The following RANBP2 variants were observed in gnomAD, a reference collection of about 807,000 sequenced individuals.
RANBP2 encodes E3 SUMO-protein ligase RanBP2.
In RANBP2, 57 loss-of-function variants were observed where a neutral mutation model predicts 303.6. That is an observed-to-expected ratio of 0.19 (90% CI 0.15 to 0.23). The LOEUF is 0.23. Among genes scored for constraint, RANBP2 ranks in the 10% least tolerant of loss-of-function variants. The pLI is 1.00. For missense variants in RANBP2, 3,138 were observed against 3,780.8 expected, an observed-to-expected ratio of 0.83 and a Z score of 4.46; for synonymous variants, 1,167 against 1,301.5, an observed-to-expected ratio of 0.90 and a Z score of 2.23.
intron 1 of RANBP2, among the ~76,000 whole-genome samples, chr2:108,726,004 TC>T (rs1456655484): frequency 6.6e-6 from 1 of 152,168 alleles, no homozygotes; most frequent in Non-Finnish European, 1.5e-5. Flanking sequence ...AATTTCCTTT[TC>T]TGATTGTTCG....
chr2:108,937,675 T>G, the RANBP2 span, among the ~76,000 whole-genome samples: 1 of 151,928 alleles, frequency 6.6e-6, no homozygotes, highest in Admixed American at 6.6e-5. Flanking sequence ...TGTGTGAGTA[T>G]AAGTGTATGT....
the RANBP2 span, among the ~76,000 whole-genome samples, chr2:109,694,225 A>G: frequency 6.6e-6 from 1 of 151,982 alleles, no homozygotes; most frequent in East Asian, 1.9e-4. Flanking sequence ...AGTTCTCACT[A>G]TGCTTGTTTA....
At chr2:108,974,329 C>CA in the RANBP2 span, among the ~76,000 whole-genome samples, 400 of 61,460 alleles carry the variant, frequency 6.5e-3, 12 homozygotes, top group East Asian at 0.088. Flanking sequence ...GGATCCGTCT[C>CA]AAAAAAAAAA....
At chr2:108,908,184 A>G in the RANBP2 span, among the ~76,000 whole-genome samples, 1 of 152,090 alleles carries the variant, frequency 6.6e-6, no homozygotes, top group Non-Finnish European at 1.5e-5. Flanking sequence ...ACCAGGGGAC[A>G]TGAGACGAGA....
the RANBP2 span, among the ~76,000 whole-genome samples, chr2:109,065,114 A>T: frequency 2.0e-5 from 3 of 152,200 alleles, no homozygotes; most frequent in Non-Finnish European, 4.4e-5. Flanking sequence ...AGCTGACCAC[A>T]AAGCAAACTA....
At chr2:109,644,429 G>A in the RANBP2 span, among the ~76,000 whole-genome samples, 2 of 152,156 alleles carry the variant, frequency 1.3e-5, no homozygotes, top group East Asian at 1.9e-4. Flanking sequence ...TGAATGCCTC[G>A]GGCGGTTCCA....
the RANBP2 span, among the ~76,000 whole-genome samples, chr2:109,540,816 C>CAAAAAAAA: frequency 9.6e-6 from 1 of 104,488 alleles, no homozygotes; most frequent in African/African-American, 3.7e-5. Flanking sequence ...AAAAAAAAAG[C>CAAAAAAAA]TACACATTAG....
chr2:109,076,235 A>G, the RANBP2 span, among the ~76,000 whole-genome samples: 3 of 150,762 alleles, frequency 2.0e-5, no homozygotes, highest in South Asian at 4.2e-4. Flanking sequence ...AAAAAAATCA[A>G]TATCCATTTA....
chr2:109,218,115 A>G, the RANBP2 span, among the ~76,000 whole-genome samples: 2 of 151,514 alleles, frequency 1.3e-5, no homozygotes, highest in Admixed American at 6.6e-5. Context: ...GAAACTGAGT[A>G]GAGACAGAAA....
At chr2:109,129,916 C>T in the RANBP2 span, 3 of 1,501,476 alleles carry the variant, frequency 2.0e-6, no homozygotes, top group Non-Finnish European at 1.8e-6. Flanking sequence ...TCAGCGGCCC[C>T]GCGCGGGCAC....
chr2:109,451,540 C>A, the RANBP2 span, among the ~76,000 whole-genome samples: 1 of 151,350 alleles, frequency 6.6e-6, no homozygotes, highest in African/African-American at 2.4e-5. Context: ...GACATTACGT[C>A]CTGTACGAAT....
the RANBP2 span, among the ~76,000 whole-genome samples, chr2:108,865,917 G>A: frequency 6.6e-6 from 1 of 152,148 alleles, no homozygotes; most frequent in Admixed American, 6.5e-5. Flanking sequence ...ACATAAACCA[G>A]TTTTCTGGGT....
chr2:109,268,320 C>T, the RANBP2 span, among the ~76,000 whole-genome samples: 14 of 151,762 alleles, frequency 9.2e-5, no homozygotes, highest in African/African-American at 3.4e-4. Context: ...CTGGAAGACC[C>T]CCTCACCCAC....
At chr2:109,452,656 A>C in the RANBP2 span, among the ~76,000 whole-genome samples, 2 of 152,214 alleles carry the variant, frequency 1.3e-5, no homozygotes, top group African/African-American at 2.4e-5. Context: ...AAGAAGCCCC[A>C]AAACCAGCTC....
the RANBP2 span, among the ~76,000 whole-genome samples, chr2:109,366,771 T>A: frequency 6.6e-6 from 1 of 152,306 alleles, no homozygotes; most frequent in South Asian, 2.1e-4. Context: ...GAGGACCACT[T>A]GCGCCTGGAA....
the RANBP2 span, among the ~76,000 whole-genome samples, chr2:109,763,485 T>C: frequency 6.7e-6 from 1 of 150,124 alleles, no homozygotes; most frequent in South Asian, 2.2e-4. Context: ...ACTTCACATA[T>C]CTCTCAGCTT....
chr2:109,294,084 A>G, the RANBP2 span, among the ~76,000 whole-genome samples: 1 of 152,134 alleles, frequency 6.6e-6, no homozygotes, highest in Non-Finnish European at 1.5e-5. Flanking sequence ...TCTGACATGT[A>G]AGATGGAGCT....
At chr2:109,562,039 T>A in the RANBP2 span, among the ~76,000 whole-genome samples, 6 of 151,862 alleles carry the variant, frequency 4.0e-5, 1 homozygote, top group African/African-American at 1.4e-4. Context: ...GGTGAAACCC[T>A]GTCTCTACTA....
chr2:108,957,723 G>A, the RANBP2 span, among the ~76,000 whole-genome samples: 5 of 152,346 alleles, frequency 3.3e-5, 1 homozygote, highest in South Asian at 1.0e-3. Flanking sequence ...GGCTAGTGGA[G>A]GTGAGAAGCC....
Sources: gnomAD v4.1 joint callset for allele counts (sites outside exome capture counted in the v4.1 genomes callset) on GRCh38, gnomAD v4.1.1 for gene constraint, MANE v1.5 for transcripts, NCBI Gene and HGNC (gene_info 2026-07-23, HGNC 2026-07-21) for gene names.